The following GRM8 variants were observed in gnomAD, a reference collection of about 807,000 sequenced individuals.
GRM8 encodes metabotropic glutamate receptor 8.
A neutral mutation model predicts 87.2 loss-of-function variants in GRM8; 47 were observed. That is an observed-to-expected ratio of 0.54 (90% CI 0.43 to 0.69). GRM8 has a LOEUF of 0.69. Among genes scored for constraint, GRM8 ranks in the 30% least tolerant of loss-of-function variants. GRM8 has a pLI of 0.00. For synonymous variants in GRM8, 396 were observed against 404.5 expected (o/e 0.98, Z 0.25); for missense variants, 1,019 against 1,139.2 (o/e 0.89, Z 1.52).
At chr7:126,778,102 G>C (rs1819658422) in intron 6 of GRM8, among the ~76,000 whole-genome samples, 1 of 152,126 alleles carries the variant, frequency 6.6e-6, no homozygotes, top group Admixed American at 6.6e-5. Context: ...CAGATGTATT[G>C]GACTAATGAA....
At chr7:126,830,906 A>G (rs1795299287) in intron 6 of GRM8, among the ~76,000 whole-genome samples, 1 of 152,132 alleles carries the variant, frequency 6.6e-6, no homozygotes, top group African/African-American at 2.4e-5. Context: ...TCTGTTTGTT[A>G]GCTTTCCTTC....
At chr7:126,610,098 C>G (rs1254114958) in intron 7 of GRM8, among the ~76,000 whole-genome samples, 2 of 152,202 alleles carry the variant, frequency 1.3e-5, no homozygotes, top group Non-Finnish European at 2.9e-5. Context: ...TTGTTCTCCC[C>G]CTTCACAGTG....
chr7:126,501,179 T>C (rs1379678614), intron 9 of GRM8, among the ~76,000 whole-genome samples: 2 of 152,074 alleles, frequency 1.3e-5, no homozygotes, highest in East Asian at 1.9e-4. Context: ...TAAATGCTAA[T>C]ACTTCCATTC....
At chr7:126,806,829 C>T (rs1161893177) in intron 6 of GRM8, among the ~76,000 whole-genome samples, 1 of 152,170 alleles carries the variant, frequency 6.6e-6, no homozygotes, top group Non-Finnish European at 1.5e-5. Flanking sequence ...CGCGCCTACC[C>T]GGAACCGCGC....
chr7:126,849,593 C>A (rs1200255985), intron 6 of GRM8, among the ~76,000 whole-genome samples: 1 of 152,184 alleles, frequency 6.6e-6, no homozygotes, highest in Non-Finnish European at 1.5e-5. Context: ...AAACCCCCAT[C>A]TACTTTCGTT....
At position 126,664,373 on chromosome 7, in the gene GRM8, T is replaced by C. The variant is rs116540243; in HGVS notation, c.1358-54875A>G. Among the ~76,000 whole-genome samples the C allele has an allele frequency of 8.0e-3, 1,213 of 152,192 alleles. 22 individuals are homozygous for C. The highest frequency in any genetic ancestry group is 0.028 in the African/African-American group (1,148 of 41,534). On this transcript the variant is annotated intron_variant, in intron 7 of 10. Transcript: ENST00000339582. ...AACAAAGCCAGGGGCATTGCATTAT[T>C]CAATTTCAAACTATACTTTAAGGCT...
intron 2 of GRM8, among the ~76,000 whole-genome samples, chr7:127,129,484 T>A (rs1827556101): frequency 6.6e-6 from 1 of 152,162 alleles, no homozygotes; most frequent in Admixed American, 6.6e-5. Flanking sequence ...AAGTTAAATA[T>A]TCAAAATAGC....
chr7:127,032,264 T>G (rs554598064), intron 3 of GRM8, among the ~76,000 whole-genome samples: 2 of 152,302 alleles, frequency 1.3e-5, no homozygotes, highest in Admixed American at 1.3e-4. Flanking sequence ...CTCACAGACA[T>G]GCTCCAACAG....
At chr7:126,889,373 T>C (rs1449177559) in intron 6 of GRM8, among the ~76,000 whole-genome samples, 2 of 152,122 alleles carry the variant, frequency 1.3e-5, no homozygotes, top group Admixed American at 6.6e-5. Flanking sequence ...AAACACTTAG[T>C]TCCTCTTGGG....
At chr7:126,782,816 C>T (rs1820224467) in intron 6 of GRM8, among the ~76,000 whole-genome samples, 1 of 152,164 alleles carries the variant, frequency 6.6e-6, no homozygotes, top group Admixed American at 6.5e-5. Flanking sequence ...CTGTACAATG[C>T]AGTCAATCCT....
At chr7:126,924,088 C>T (rs1160758942) in intron 3 of GRM8, among the ~76,000 whole-genome samples, 1 of 152,130 alleles carries the variant, frequency 6.6e-6, no homozygotes, top group African/African-American at 2.4e-5. Context: ...ATCTAGACTC[C>T]TTGCTGAATG....
At chr7:127,240,686 A>G (rs1798242224) in intron 2 of GRM8, among the ~76,000 whole-genome samples, 1 of 152,322 alleles carries the variant, frequency 6.6e-6, no homozygotes, top group South Asian at 2.1e-4. Context: ...TAAGTTAAAA[A>G]TAGAAAAGAG....
At position 126,761,369 on chromosome 7, in the gene GRM8, G is replaced by A. The variant is rs117920065; in HGVS notation, c.1357+8496C>T. Among the ~76,000 whole-genome samples the A allele has an allele frequency of 1.6e-4, 25 of 152,130 alleles. 1 individual carries two copies. In the East Asian group the frequency reaches 4.8e-3, roughly 29 times the overall value. ...GATACTTCTTTGGTTTCTAGTCAAA[G>A]CACAGTACCTAGAACAGAGTCATCA... On this transcript the variant is annotated intron_variant, in intron 7 of 10. Transcript: ENST00000339582.
chr7:126,540,801 C>T (rs1348151275), intron 8 of GRM8, among the ~76,000 whole-genome samples: 1 of 152,062 alleles, frequency 6.6e-6, no homozygotes, highest in African/African-American at 2.4e-5. Flanking sequence ...TATGGGATTT[C>T]TTGGATGATG....
chr7:127,217,961 A>C (rs1335325147), intron 2 of GRM8, among the ~76,000 whole-genome samples: 1 of 152,194 alleles, frequency 6.6e-6, no homozygotes, highest in Non-Finnish European at 1.5e-5. Flanking sequence ...TATCACTGAA[A>C]GCCCTTCTTT....
intron 6 of GRM8, among the ~76,000 whole-genome samples, chr7:126,825,196 A>T (rs1234617105): frequency 6.6e-6 from 1 of 152,066 alleles, no homozygotes; most frequent in Non-Finnish European, 1.5e-5. Context: ...CCTCCTGAGT[A>T]GCTGGGACTA....
chr7:126,842,750 A>G (rs1796390990), intron 6 of GRM8, among the ~76,000 whole-genome samples: 1 of 152,188 alleles, frequency 6.6e-6, no homozygotes, highest in South Asian at 2.1e-4. Flanking sequence ...CCATAAGCCA[A>G]TGAATGCAAG....
chr7:126,461,840 G>A (rs1803929145), intron 9 of GRM8, among the ~76,000 whole-genome samples: 1 of 151,572 alleles, frequency 6.6e-6, no homozygotes, highest in Non-Finnish European at 1.5e-5. Context: ...TTAATGTATT[G>A]TTTTTAGTAA....
At chr7:127,129,616 C>T (rs967835780) in intron 2 of GRM8, among the ~76,000 whole-genome samples, 1 of 152,044 alleles carries the variant, frequency 6.6e-6, no homozygotes, top group Non-Finnish European at 1.5e-5. Flanking sequence ...AAATTACACA[C>T]AGTAGGGGAT....
Sources: gnomAD v4.1 joint callset for allele counts (sites outside exome capture counted in the v4.1 genomes callset) on GRCh38, gnomAD v4.1.1 for gene constraint, MANE v1.5 for transcripts, NCBI Gene and HGNC (gene_info 2026-07-23, HGNC 2026-07-21) for gene names.